The following NEK6 variants were observed in gnomAD, a reference collection of about 807,000 sequenced individuals.
NEK6 encodes the protein serine/threonine-protein kinase Nek6.
In NEK6, 27 loss-of-function variants were observed where a neutral mutation model predicts 43.5. The observed-to-expected ratio is 0.62, with a 90% CI of 0.46 to 0.86. The LOEUF (loss-of-function observed/expected upper bound fraction) is 0.86, where lower values mean the gene tolerates loss of function less well. Among genes scored for constraint, NEK6 ranks in the 40% least tolerant of loss-of-function variants. The pLI is 0.00. For missense variants in NEK6, 318 were observed against 414.4 expected, an observed-to-expected ratio of 0.77 and a Z score of 2.02; for synonymous variants, 167 against 164.1, an observed-to-expected ratio of 1.02 and a Z score of -0.14.
Position 124,282,320 on chromosome 9 carries a change from A to G in NEK6, c.-29-19616A>G, listed in dbSNP as rs557480698. Among the ~76,000 whole-genome samples the G allele has an allele frequency of 1.4e-4, 21 of 152,214 alleles. 1 individual carries two copies. In the South Asian group the frequency reaches 3.1e-3, roughly 23 times the overall value. ...CTCCAGTGCTCGCCTCTGTCGCCAC[A>G]TGGCCTTCTTCCTTGTGCGTCTGTC... On this transcript the variant is annotated intron_variant, in intron 1 of 9. Transcript: ENST00000320246.
intron 7 of NEK6, among the ~76,000 whole-genome samples, chr9:124,333,275 T>G (rs2130996283): frequency 6.6e-6 from 1 of 152,364 alleles, no homozygotes; most frequent in African/African-American, 2.4e-5. Context: ...TTTACGTGAC[T>G]TATTCCCAGA....
chr9:124,290,097 A>G (rs78677029), intron 1 of NEK6, among the ~76,000 whole-genome samples: 2,085 of 152,312 alleles, frequency 0.014, 47 homozygotes, highest in African/African-American at 0.048. Flanking sequence ...GCCCCGTCAC[A>G]CCGTACGGGT....
intron 1 of NEK6, among the ~76,000 whole-genome samples, chr9:124,284,555 C>T (rs891072395): frequency 2.6e-5 from 4 of 152,206 alleles, no homozygotes; most frequent in South Asian, 2.1e-4. Flanking sequence ...ATTTTCTGGG[C>T]GTTCAGCACA....
intron 1 of NEK6, among the ~76,000 whole-genome samples, chr9:124,271,407 G>A (rs781304229): frequency 5.9e-5 from 9 of 152,242 alleles, no homozygotes; most frequent in African/African-American, 1.4e-4. Flanking sequence ...AGGGAGTGAC[G>A]TCTGGTTACT....
At chr9:124,330,978 G>A (rs972372847) in intron 7 of NEK6, among the ~76,000 whole-genome samples, 2 of 152,068 alleles carry the variant, frequency 1.3e-5, no homozygotes, top group East Asian at 3.9e-4. Flanking sequence ...TTGTTTTTTC[G>A]TTGGCCAGGC....
At chr9:124,303,625 G>A (rs1469200019) in intron 2 of NEK6, among the ~76,000 whole-genome samples, 1 of 152,196 alleles carries the variant, frequency 6.6e-6, no homozygotes. Flanking sequence ...ATACACACAA[G>A]CATGCAGAGG....
At position 124,347,722 on chromosome 9, in the gene NEK6, A is replaced by G; in HGVS notation, c.731A>G (p.Gln244Arg). 1 of 1,605,228 alleles carries G rather than the reference A, an allele frequency of 6.2e-7. No homozygotes were observed. Among genetic ancestry groups the G allele is most frequent in the Non-Finnish European group, 8.5e-7 (1 of 1,174,984 alleles). ...CGTCCCTTGCAGATGGCAGCCCTCC[A>G]GAGCCCCTTCTATGGAGATAAGATG... ...GCLLYEMAAL[Q>R]SPFYGDKMNL... Residue 244 changes from glutamine (Q) to arginine (R), a missense_variant, in exon 9 of 10, where the codon CAG becomes CGG. Physicochemically the swap from Gln to Arg is conservative, Grantham distance 43. Transcript: ENST00000320246.
chr9:124,308,640 G>C (rs1833381416), intron 2 of NEK6, among the ~76,000 whole-genome samples: 1 of 143,800 alleles, frequency 7.0e-6, no homozygotes, highest in Non-Finnish European at 1.5e-5. Flanking sequence ...TGGGTGACAA[G>C]AGCAAAACTC....
At chr9:124,282,932 G>A (rs903828971) in intron 1 of NEK6, among the ~76,000 whole-genome samples, 8 of 152,130 alleles carry the variant, frequency 5.3e-5, no homozygotes, top group Admixed American at 2.6e-4. Flanking sequence ...CGCCATTCCC[G>A]GCAGCGCCCA....
chr9:124,258,124 C>A (rs1457049218), intron 1 of NEK6, 39 bp downstream of exon 1: 4 of 978,692 alleles, frequency 4.1e-6, no homozygotes, highest in African/African-American at 1.8e-5. Flanking sequence ...GGTGGGGCCC[C>A]GCGGCCCGGA....
intron 1 of NEK6, among the ~76,000 whole-genome samples, chr9:124,291,377 A>G (rs1188733062): frequency 1.3e-5 from 2 of 152,224 alleles, no homozygotes; most frequent in South Asian, 2.1e-4. Flanking sequence ...CTGTAATCTT[A>G]CCACTTTGGG....
chr9:124,336,607 C>T (rs1254265366), intron 7 of NEK6, among the ~76,000 whole-genome samples: 3 of 152,188 alleles, frequency 2.0e-5, no homozygotes, highest in South Asian at 2.1e-4. Flanking sequence ...GCCTTTGCCA[C>T]GCTGGGACTC....
chr9:124,304,763 G>A (rs1329251128), intron 2 of NEK6, among the ~76,000 whole-genome samples: 7 of 152,136 alleles, frequency 4.6e-5, no homozygotes, highest in Non-Finnish European at 1.0e-4. Flanking sequence ...TTCTAGCCTT[G>A]AGAGCCAGCA....
intron 1 of NEK6, among the ~76,000 whole-genome samples, chr9:124,264,562 T>C (rs1179537890): frequency 6.6e-6 from 1 of 152,102 alleles, no homozygotes; most frequent in African/African-American, 2.4e-5. Context: ...CCCAGCACTT[T>C]GAGAGGCCGA....
intron 2 of NEK6, among the ~76,000 whole-genome samples, chr9:124,304,051 G>A (rs1564633728): frequency 6.6e-6 from 1 of 152,256 alleles, no homozygotes; most frequent in Non-Finnish European, 1.5e-5. Context: ...ACGATTACTC[G>A]GAGCTGGGCT....
At chr9:124,285,155 G>A (rs11794587) in intron 1 of NEK6, among the ~76,000 whole-genome samples, 41,870 of 152,116 alleles carry the variant, frequency 0.28, 6,540 homozygotes, top group Admixed American at 0.36. Flanking sequence ...CCTCAGGCAC[G>A]GCACGGTTGA....
intron 1 of NEK6, among the ~76,000 whole-genome samples, chr9:124,282,793 G>C (rs761522632): frequency 6.6e-6 from 1 of 152,242 alleles, no homozygotes; most frequent in South Asian, 2.1e-4. Context: ...GGCTTGCAGC[G>C]TTTGGTCCTT....
intron 7 of NEK6, among the ~76,000 whole-genome samples, chr9:124,329,528 C>T (rs1828854917): frequency 6.6e-6 from 1 of 152,246 alleles, no homozygotes; most frequent in African/African-American, 2.4e-5. Flanking sequence ...CCGGGCTCTT[C>T]CCAAGCCCTC....
At chr9:124,318,813 A>G (rs1833935043) in intron 4 of NEK6, among the ~76,000 whole-genome samples, 1 of 151,910 alleles carries the variant, frequency 6.6e-6, no homozygotes, top group Admixed American at 6.6e-5. Context: ...CTGGGATTAC[A>G]GGCACCCACC....
Sources: gnomAD v4.1 joint callset for allele counts (sites outside exome capture counted in the v4.1 genomes callset) on GRCh38, gnomAD v4.1.1 for gene constraint, MANE v1.5 for transcripts, NCBI Gene and HGNC (gene_info 2026-07-23, HGNC 2026-07-21) for gene names.